RGS7: variants seen among roughly 807,000 people sequenced by gnomAD.
RGS7 encodes the protein regulator of G protein signaling 7.
In RGS7, 27 loss-of-function variants were observed where a neutral mutation model predicts 81.1. That is an observed-to-expected ratio of 0.33 (90% CI 0.25 to 0.46). The LOEUF (loss-of-function observed/expected upper bound fraction) is 0.46, where lower values mean the gene tolerates loss of function less well. RGS7 is among the 20% of genes least tolerant of loss of function. The probability of loss-of-function intolerance (pLI) is 1.00; values close to 1 mark genes in which losing one functional copy is unlikely to be tolerated. For synonymous variants in RGS7, 208 were observed against 207.7 expected, an observed-to-expected ratio of 1.00 and a Z score of -0.01; for missense variants, 396 against 607.4, an observed-to-expected ratio of 0.65 and a Z score of 3.66.
Position 240,838,977 on chromosome 1 carries a change from A to G in RGS7, c.610-11805T>C, listed in dbSNP as rs533232958. 5.3e-5 allele frequency among the ~76,000 whole-genome samples: 8 copies of G among 152,134 alleles called. No homozygotes were observed. In the South Asian group the frequency reaches 8.3e-4, roughly 16 times the overall value. On this transcript the variant is annotated intron_variant, in intron 9 of 18. Coordinates refer to ENST00000440928, the MANE Select transcript of RGS7 (RefSeq NM_001364886.1). ...AGACGGGGTTTCACCATGTTGGCCAAGATGGTCTCCATCTCCTGACCTCGT... is the reference window on the plus strand; with the variant it reads ...AGACGGGGTTTCACCATGTTGGCCAGGATGGTCTCCATCTCCTGACCTCGT...
intron 2 of RGS7, among the ~76,000 whole-genome samples, chr1:241,124,439 T>C (rs902788977): frequency 1.3e-4 from 20 of 152,072 alleles, no homozygotes; most frequent in Admixed American, 6.6e-5. Context: ...AGAAAATGCA[T>C]TTTTGTTTTC....
At position 241,271,358 on chromosome 1, in the gene RGS7, A is replaced by G. The variant is rs538417052; in HGVS notation, c.78+84341T>C. 1.8e-4 allele frequency among the ~76,000 whole-genome samples: 27 copies of G among 152,270 alleles called. No homozygotes were observed. The highest frequency in any genetic ancestry group is 6.3e-4 in the African/African-American group (26 of 41,562). On this transcript the variant is annotated intron_variant, in intron 2 of 18. Transcript: ENST00000440928. The surrounding 1 kb of genome is among the most constrained non-coding windows in gnomAD (Gnocchi z 4.6). The stretch of plus-strand genomic sequence containing the variant: ...TGAACTGAAATTTTTATGCCTCAAC[A>G]TTTTTTTACAAAAGGAAATCAAATG...
intron 6 of RGS7, among the ~76,000 whole-genome samples, chr1:240,912,055 G>T (rs1312597406): frequency 6.9e-6 from 1 of 145,432 alleles, no homozygotes; most frequent in East Asian, 2.1e-4. Flanking sequence ...GGAGGGTGAG[G>T]CAAGAGAATG....
chr1:241,043,641 TAC>T (rs1200779634), intron 3 of RGS7, among the ~76,000 whole-genome samples: 2 of 147,358 alleles, frequency 1.4e-5, no homozygotes, highest in African/African-American at 2.5e-5. Flanking sequence ...CATATTATAA[TAC>T]ATAGTTATAT....
rs183757470 is a variant in RGS7, at chr1:241,324,294, C to A, written c.78+31405G>T. Among the ~76,000 whole-genome samples, 155 of 151,538 alleles carry A rather than the reference C, an allele frequency of 1.0e-3. 1 individual carries two copies. The highest frequency in any genetic ancestry group is 3.6e-3 in the African/African-American group (149 of 41,268). On this transcript the variant is annotated intron_variant, in intron 2 of 18. Coordinates refer to ENST00000440928, the MANE Select transcript of RGS7 (RefSeq NM_001364886.1). ...AGATTTTAAACCTTAGATGTTTTGC[C>A]TTGGAGACAGTTTGGGATGAAAGAA...
At chr1:241,122,718 A>G (rs2066376642) in intron 2 of RGS7, among the ~76,000 whole-genome samples, 1 of 151,946 alleles carries the variant, frequency 6.6e-6, no homozygotes. Context: ...AGCTTAGTCT[A>G]GTCTTACCTT....
At chr1:240,895,252 TTTTTTCTTTC>T (rs1488101396) in intron 6 of RGS7, among the ~76,000 whole-genome samples, 7 of 151,916 alleles carry the variant, frequency 4.6e-5, no homozygotes, top group Non-Finnish European at 1.0e-4. Flanking sequence ...ATTAAACCTC[TTTTTTCTTTC>T]TTTTTCTTTC....
chr1:241,353,506 CA>C (rs1486935726), intron 2 of RGS7, among the ~76,000 whole-genome samples: 1 of 151,984 alleles, frequency 6.6e-6, no homozygotes, highest in Admixed American at 6.6e-5. Context: ...CAAAGAAAAA[CA>C]AAAAACATAT....
intron 2 of RGS7, among the ~76,000 whole-genome samples, chr1:241,206,965 T>C (rs1382440524): frequency 1.6e-5 from 2 of 125,686 alleles, no homozygotes; most frequent in Admixed American, 7.9e-5. Context: ...CTCTGGTTTT[T>C]TTTTTTTTTT....
chr1:241,287,545 A>G (rs1041128691), intron 2 of RGS7, among the ~76,000 whole-genome samples: 5 of 152,170 alleles, frequency 3.3e-5, no homozygotes, highest in Admixed American at 6.6e-5. Context: ...TCTTTCCTTT[A>G]TAAATTACCC....
chr1:241,130,538 C>T (rs1315087909), intron 2 of RGS7, among the ~76,000 whole-genome samples: 1 of 151,942 alleles, frequency 6.6e-6, no homozygotes, highest in African/African-American at 2.4e-5. Context: ...TTCAATTGTC[C>T]ATGTCTGTTA....
chr1:241,230,358 T>C (rs1450929965), intron 2 of RGS7, among the ~76,000 whole-genome samples: 4 of 152,000 alleles, frequency 2.6e-5, no homozygotes, highest in African/African-American at 9.7e-5. Context: ...GGACTACAGG[T>C]GTGTGCCACC....
intron 3 of RGS7, among the ~76,000 whole-genome samples, chr1:241,046,062 T>C (rs1184962809): frequency 6.6e-6 from 1 of 152,186 alleles, no homozygotes. Flanking sequence ...TTGTGGTTTA[T>C]GAGTTTAGGG....
intron 14 of RGS7, among the ~76,000 whole-genome samples, chr1:240,810,729 G>A (rs553884542): frequency 7.5e-4 from 114 of 152,304 alleles, no homozygotes; most frequent in African/African-American, 2.7e-3. Context: ...GATTATAGGC[G>A]TGAGCCCTCG....
At chr1:241,180,405 AC>A (rs2071518275) in intron 2 of RGS7, among the ~76,000 whole-genome samples, 4 of 151,912 alleles carry the variant, frequency 2.6e-5, no homozygotes, top group Admixed American at 6.6e-5. Context: ...AACAACAACA[AC>A]AACAAAAAAC....
chr1:241,074,233 G>A (rs2062664316), intron 3 of RGS7, among the ~76,000 whole-genome samples: 1 of 152,112 alleles, frequency 6.6e-6, no homozygotes, highest in African/African-American at 2.4e-5. Flanking sequence ...GAGGAACAAT[G>A]GTGCTTTGTT....
intron 2 of RGS7, among the ~76,000 whole-genome samples, chr1:241,310,167 C>A (rs529745130): frequency 3.3e-5 from 5 of 152,288 alleles, no homozygotes; most frequent in African/African-American, 1.2e-4. Flanking sequence ...GTCATTTTCT[C>A]CAGTCAAACT....
At chr1:240,965,408 A>C (rs1254693071) in intron 4 of RGS7, among the ~76,000 whole-genome samples, 1 of 152,198 alleles carries the variant, frequency 6.6e-6, no homozygotes, top group Non-Finnish European at 1.5e-5. Context: ...ATTATTTGGT[A>C]AAATGCCTCA....
chr1:240,980,869 T>A (rs970748958), intron 4 of RGS7, among the ~76,000 whole-genome samples: 10 of 152,228 alleles, frequency 6.6e-5, no homozygotes, highest in African/African-American at 2.4e-4. Context: ...ACAGAACATG[T>A]ATGTTCCTTC....
Sources: gnomAD v4.1 joint callset for allele counts (sites outside exome capture counted in the v4.1 genomes callset) on GRCh38, gnomAD v4.1.1 for gene constraint, Gnocchi (gnomAD v3.1) non-coding constraint, MANE v1.5 for transcripts, NCBI Gene and HGNC (gene_info 2026-07-23, HGNC 2026-07-21) for gene names.